CCDC73: variants seen among roughly 807,000 people sequenced by gnomAD.
The protein encoded by CCDC73 is coiled-coil domain containing 73, also known as coiled-coil domain-containing protein 73.
In CCDC73, 95 loss-of-function variants were observed where a neutral mutation model predicts 116.5. The observed-to-expected ratio is 0.82, with a 90% CI of 0.69 to 0.97. CCDC73 has a LOEUF of 0.97. Ranked by LOEUF, CCDC73 falls within the 50% of genes least tolerant of loss-of-function variation. The pLI is 0.00. For missense variants in CCDC73, 1,066 were observed against 1,206.8 expected, an observed-to-expected ratio of 0.88 and a Z score of 1.73; for synonymous variants, 398 against 401.3, an observed-to-expected ratio of 0.99 and a Z score of 0.10.
chr11:32,817,899 G>GC, the CCDC73 span, among the ~76,000 whole-genome samples: 1 of 152,064 alleles, frequency 6.6e-6, no homozygotes, highest in Non-Finnish European at 1.5e-5. Flanking sequence ...CCCCTCCCCT[G>GC]CCCATGGCAG....
intron 3 of CCDC73, among the ~76,000 whole-genome samples, chr11:32,710,454 CAGG>C (rs1365211021): frequency 6.6e-6 from 1 of 152,042 alleles, no homozygotes; most frequent in African/African-American, 2.4e-5. Context: ...AATGATCATT[CAGG>C]AGCCGGCTAT....
Position 32,602,789 on chromosome 11 carries a change from C to T in CCDC73, c.*22G>A, listed in dbSNP as rs769900624. On this transcript the variant is annotated 3_prime_UTR_variant, in exon 18 of 18. Transcript: ENST00000335185. ...CCAGAATTTCAGTTACATAATTTCA[C>T]TACTGAAAGCACTTATCTACATTAT... 4.1e-6 allele frequency: 6 copies of T among 1,451,234 alleles called. No homozygotes were observed. Among genetic ancestry groups the T allele is most frequent in the Admixed American group, 2.3e-5 (1 of 43,674 alleles). 89.9% of individuals were successfully genotyped at this position (1,451,234 alleles called of 1,614,324 possible).
intron 6 of CCDC73, among the ~76,000 whole-genome samples, chr11:32,691,419 T>C (rs562699412): frequency 5.8e-4 from 89 of 152,294 alleles, no homozygotes; most frequent in African/African-American, 2.1e-3. Flanking sequence ...GAGTAGTGTA[T>C]CTTTGTTGTT....
At chr11:32,624,161 A>G (rs939305804) in intron 14 of CCDC73, among the ~76,000 whole-genome samples, 4 of 145,336 alleles carry the variant, frequency 2.8e-5, no homozygotes, top group Admixed American at 6.9e-5. Context: ...GTGAAACCCC[A>G]TATCTACTAA....
intron 14 of CCDC73, among the ~76,000 whole-genome samples, chr11:32,629,232 GA>G (rs539006880): frequency 2.0e-5 from 3 of 150,846 alleles, no homozygotes; most frequent in Non-Finnish European, 3.0e-5. Flanking sequence ...GAGGGGGACA[GA>G]AAAAAAAATT....
chr11:32,783,670 G>A (rs1445322566), intron 1 of CCDC73, among the ~76,000 whole-genome samples: 1 of 151,908 alleles, frequency 6.6e-6, no homozygotes, highest in African/African-American at 2.4e-5. Context: ...TTTCATAAGG[G>A]TGCTAATCCC....
Position 32,631,856 on chromosome 11 carries a change from A to G in CCDC73, c.1185+3840T>C, listed in dbSNP as rs115089909. Among the ~76,000 whole-genome samples, 1,083 of 152,160 alleles carry G rather than the reference A, an allele frequency of 7.1e-3. 17 individuals carry two copies. The highest frequency in any genetic ancestry group is 0.025 in the African/African-American group (1,044 of 41,518). The stretch of plus-strand genomic sequence containing the variant: ...ACCCTGTCTCTCTTTCAATAGACAT[A>G]TAGGCAGGCAGGCAGGCAGATAGAC... On this transcript the variant is annotated intron_variant, in intron 14 of 17. Coordinates refer to ENST00000335185, the MANE Select transcript of CCDC73 (RefSeq NM_001008391.4).
intron 12 of CCDC73, among the ~76,000 whole-genome samples, chr11:32,642,521 C>T (rs968591348): frequency 1.3e-5 from 2 of 151,836 alleles, no homozygotes; most frequent in Non-Finnish European, 2.9e-5. Flanking sequence ...ATTTTAATTT[C>T]AAATTAACAC....
Position 32,614,528 on chromosome 11 carries a change from T to C in CCDC73, c.1790A>G (p.Glu597Gly), listed in dbSNP as rs1565056873. The C allele has an allele frequency of 6.2e-7, 1 of 1,613,310 alleles. No homozygotes were observed. The highest frequency in any genetic ancestry group is 8.5e-7 in the Non-Finnish European group (1 of 1,179,490). ...TYHNNNKDVS[E>G]NEPFKQFRLL... ...TCTGAATTGTTTGAATGGCTCATTT[T>C]CAGAAACATCTTTATTATTATTGTG... Residue 597 changes from glutamate to glycine, a missense_variant, in exon 16 of 18, where the codon GAA becomes GGA. Physicochemically the swap from Glu to Gly is moderately conservative, Grantham distance 98. Coordinates refer to ENST00000335185, the MANE Select transcript of CCDC73 (RefSeq NM_001008391.4).
chr11:32,670,537 A>C (rs1265474272), intron 9 of CCDC73, among the ~76,000 whole-genome samples: 1 of 151,014 alleles, frequency 6.6e-6, no homozygotes, highest in Admixed American at 6.6e-5. Flanking sequence ...AAAAAAAAAA[A>C]ATTATTGATA....
At chr11:32,702,431 C>A (rs894704622) in intron 4 of CCDC73, among the ~76,000 whole-genome samples, 2 of 152,094 alleles carry the variant, frequency 1.3e-5, no homozygotes, top group Non-Finnish European at 2.9e-5. Context: ...GGCTACAGTG[C>A]ATAATAATCA....
intron 14 of CCDC73, among the ~76,000 whole-genome samples, chr11:32,618,562 TA>T (rs763899427): frequency 2.6e-5 from 4 of 152,150 alleles, no homozygotes; most frequent in Non-Finnish European, 4.4e-5. Context: ...TATTTATTAT[TA>T]TTTTTTTGAG....
At chr11:32,733,725 A>C (rs1850100480) in intron 2 of CCDC73, among the ~76,000 whole-genome samples, 1 of 152,210 alleles carries the variant, frequency 6.6e-6, no homozygotes, top group Non-Finnish European at 1.5e-5. Flanking sequence ...AACCAACGAG[A>C]ACAAAGACAC....
chr11:32,725,105 A>T (rs1355159294), intron 2 of CCDC73, among the ~76,000 whole-genome samples: 2 of 152,012 alleles, frequency 1.3e-5, no homozygotes, highest in Non-Finnish European at 2.9e-5. Flanking sequence ...TAGTTTAGTG[A>T]AGTAAGAAGA....
rs377539039 is a variant in CCDC73, at chr11:32,778,534, G to A, written c.-16+16079C>T. Among the ~76,000 whole-genome samples, 7 of 152,272 alleles carry A rather than the reference G, an allele frequency of 4.6e-5. No individual in the cohort carries two copies. The East Asian group carries it at 7.7e-4, about 17-fold the overall frequency. On this transcript the variant is annotated intron_variant, in intron 1 of 17. Coordinates refer to ENST00000335185, the MANE Select transcript of CCDC73 (RefSeq NM_001008391.4). ...TTTGTATTAAGAATCAGAGAAGGCC[G>A]GGAGTGGTGGCTTACACCTGTAATC...
Position 32,675,567 on chromosome 11 carries a change from T to C in CCDC73, c.643A>G (p.Lys215Glu), listed in dbSNP as rs752139536. Residue 215 changes from lysine to glutamate, a missense_variant and splice_region_variant, in exon 9 of 18, where the codon AAG becomes GAG. By Grantham distance (56) the Lys-to-Glu change is moderately conservative (BLOSUM62 1). Coordinates refer to ENST00000335185, the MANE Select transcript of CCDC73 (RefSeq NM_001008391.4). ...GTGTGAAACTGTATCAATCATACCT[T>C]CTTTAAACTGCATATTTCAGCTTCT... ...KQEAEICSLKKELKKAASDLI... is the reference protein window; with the variant it reads ...KQEAEICSLKEELKKAASDLI... 1.3e-6 allele frequency: 2 copies of C among 1,554,318 alleles called. No homozygotes were observed. The highest frequency in any genetic ancestry group is 3.7e-5 in the Admixed American group (2 of 54,132).
intron 3 of CCDC73, among the ~76,000 whole-genome samples, chr11:32,712,529 C>A (rs1849908918): frequency 6.6e-6 from 1 of 151,216 alleles, no homozygotes; most frequent in East Asian, 1.9e-4. Context: ...ACATTGTAGC[C>A]CATATATACA....
chr11:32,796,840 T>A (rs1285998103), upstream of CCDC73, among the ~76,000 whole-genome samples: 2 of 151,406 alleles, frequency 1.3e-5, no homozygotes, highest in Non-Finnish European at 2.9e-5. Context: ...AGAAACCCCG[T>A]CTCTACAAAA....
intron 2 of CCDC73, among the ~76,000 whole-genome samples, chr11:32,719,452 G>A (rs979689271): frequency 1.3e-5 from 2 of 152,126 alleles, no homozygotes; most frequent in Non-Finnish European, 2.9e-5. Context: ...TTACAAATTA[G>A]TTCAAAGGCA....
Sources: gnomAD v4.1 joint callset for allele counts (sites outside exome capture counted in the v4.1 genomes callset) on GRCh38, gnomAD v4.1.1 for gene constraint, MANE v1.5 for transcripts, NCBI Gene and HGNC (gene_info 2026-07-23, HGNC 2026-07-21) for gene names.